DLG2: variants seen among roughly 807,000 people sequenced by gnomAD.
DLG2 encodes the protein discs large MAGUK scaffold protein 2.
A neutral mutation model predicts 132.5 loss-of-function variants in DLG2; 45 were observed. The ratio of observed to expected loss-of-function variants is 0.34; its 90% CI spans 0.27 to 0.44. DLG2 has a LOEUF of 0.44. Among genes scored for constraint, DLG2 ranks in the 20% least tolerant of loss-of-function variants. DLG2 has a pLI of 1.00. For missense variants in DLG2, 1,045 were observed against 1,196.9 expected (o/e 0.87, Z 1.87); for synonymous variants, 424 against 419.6 (o/e 1.01, Z -0.13).
intron 3 of DLG2, among the ~76,000 whole-genome samples, chr11:85,414,134 C>T (rs2089599834): frequency 6.6e-6 from 1 of 151,846 alleles, no homozygotes; most frequent in African/African-American, 2.4e-5. Context: ...TGGTATATTC[C>T]TAAATATTTC....
chr11:83,749,952 C>T (rs1012732458), intron 18 of DLG2, among the ~76,000 whole-genome samples: 1 of 152,134 alleles, frequency 6.6e-6, no homozygotes, highest in Non-Finnish European at 1.5e-5. Flanking sequence ...TAATTACAGC[C>T]ACCTGTGCCA....
chr11:84,623,790 A>G (rs930306575), intron 6 of DLG2, among the ~76,000 whole-genome samples: 2 of 152,180 alleles, frequency 1.3e-5, no homozygotes, highest in Non-Finnish European at 2.9e-5. Flanking sequence ...CTTCTTCCCT[A>G]CCACCATAGT....
chr11:83,984,298 T>C (rs2093066833), intron 11 of DLG2, among the ~76,000 whole-genome samples: 1 of 151,764 alleles, frequency 6.6e-6, no homozygotes, highest in Non-Finnish European at 1.5e-5. Context: ...CTAGTGACTC[T>C]ATTCAAGGTG....
At chr11:83,995,307 C>G (rs933225535) in intron 11 of DLG2, among the ~76,000 whole-genome samples, 6 of 152,004 alleles carry the variant, frequency 3.9e-5, no homozygotes, top group African/African-American at 1.5e-4. Flanking sequence ...TCTGAACTTC[C>G]AGGAGATAAT....
At chr11:84,851,054 A>G (rs2082109557) in intron 6 of DLG2, among the ~76,000 whole-genome samples, 1 of 152,114 alleles carries the variant, frequency 6.6e-6, no homozygotes, top group Admixed American at 6.6e-5. Context: ...ATTAATAGGA[A>G]TAAGTGAATG....
intron 7 of DLG2, among the ~76,000 whole-genome samples, chr11:84,444,088 A>G (rs1473897270): frequency 6.6e-6 from 1 of 151,692 alleles, no homozygotes; most frequent in African/African-American, 2.4e-5. Flanking sequence ...GAAAGCCTTT[A>G]TCATCAGCCA....
At position 83,466,638 on chromosome 11, in the gene DLG2, G is replaced by C. The variant is rs922403290; in HGVS notation, c.2729+70C>G. 7.8e-6 allele frequency: 6 copies of C among 764,870 alleles called. No individual in the cohort carries two copies. The African/African-American group carries it at 1.0e-4, about 13-fold the overall frequency. The allele number at this position is 764,870 out of a possible 1,614,324, so 47.4% of individuals were successfully genotyped here. ...TTGTAAGCATTCCCAGCAAAATCCT[G>C]TTAGTAATTTTCAGTATAATACAGA... is the stretch of plus-strand genomic sequence containing the variant. On this transcript the variant is annotated intron_variant, in intron 26 of 27. Transcript: ENST00000376104.
chr11:84,743,386 A>T (rs915188568), intron 6 of DLG2, among the ~76,000 whole-genome samples: 1 of 152,062 alleles, frequency 6.6e-6, no homozygotes, highest in Non-Finnish European at 1.5e-5. Flanking sequence ...ATCTTTAGTA[A>T]GAATTTTTTT....
intron 14 of DLG2, among the ~76,000 whole-genome samples, chr11:83,936,248 G>A (rs1471165131): frequency 6.6e-6 from 1 of 152,196 alleles, no homozygotes; most frequent in African/African-American, 2.4e-5. Context: ...GTACTGCACA[G>A]GTGCCTTCTA....
At chr11:83,588,071 T>C (rs1251698259) in intron 19 of DLG2, among the ~76,000 whole-genome samples, 2 of 152,200 alleles carry the variant, frequency 1.3e-5, no homozygotes, top group Non-Finnish European at 2.9e-5. Context: ...GCGCCCGCCA[T>C]TGCCCAGGCT....
chr11:83,842,636 G>T (rs1253888912), intron 16 of DLG2, among the ~76,000 whole-genome samples: 1 of 151,196 alleles, frequency 6.6e-6, no homozygotes, highest in African/African-American at 2.4e-5. Context: ...AGACCACGGT[G>T]AAAACCCGTC....
At chr11:85,596,205 T>C (rs1311671628) in intron 3 of DLG2, among the ~76,000 whole-genome samples, 1 of 152,044 alleles carries the variant, frequency 6.6e-6, no homozygotes, top group Non-Finnish European at 1.5e-5. Flanking sequence ...TTGGTCAACA[T>C]GGTGAAATCC....
chr11:84,679,572 T>C (rs77528734), intron 6 of DLG2, among the ~76,000 whole-genome samples: 2,375 of 152,190 alleles, frequency 0.016, 64 homozygotes, highest in African/African-American at 0.053. Flanking sequence ...TCAAGAGTTA[T>C]GATCAGGGAT....
chr11:83,486,005 AC>A, intron 21 of DLG2: 1 of 394,668 alleles, frequency 2.5e-6, no homozygotes, highest in Non-Finnish European at 4.5e-6. Context: ...ACATTCAAGT[AC>A]TAAAATTACA....
At chr11:85,606,267 T>C (rs980997354) in intron 2 of DLG2, among the ~76,000 whole-genome samples, 3 of 152,192 alleles carry the variant, frequency 2.0e-5, no homozygotes, top group East Asian at 1.9e-4. Flanking sequence ...TTATTAGACA[T>C]TAGGACTAGA....
intron 7 of DLG2, chr11:84,272,061 A>G (rs1187815931): frequency 6.2e-6 from 1 of 161,374 alleles, no homozygotes; most frequent in Non-Finnish European, 1.4e-5. Context: ...AATGATTTAG[A>G]GAGTTTCCCA....
intron 7 of DLG2, among the ~76,000 whole-genome samples, chr11:84,377,595 TAAAAA>T (rs2098734320): frequency 6.6e-6 from 1 of 151,816 alleles, no homozygotes. Context: ...AATAAAAACA[TAAAAA>T]GAAAGAAGAA....
intron 4 of DLG2, among the ~76,000 whole-genome samples, chr11:85,281,571 T>A (rs542139136): frequency 6.6e-6 from 1 of 152,056 alleles, no homozygotes; most frequent in Non-Finnish European, 1.5e-5. Flanking sequence ...CTCATTCATA[T>A]GCTCAAAACT....
At chr11:84,529,153 T>TA (rs1055043791) in intron 7 of DLG2, among the ~76,000 whole-genome samples, 14 of 152,130 alleles carry the variant, frequency 9.2e-5, no homozygotes, top group Admixed American at 3.3e-4. Context: ...TAAGACAATC[T>TA]AAAAGCATAT....
Sources: gnomAD v4.1 joint callset for allele counts (sites outside exome capture counted in the v4.1 genomes callset) on GRCh38, gnomAD v4.1.1 for gene constraint, MANE v1.5 for transcripts, NCBI Gene and HGNC (gene_info 2026-07-23, HGNC 2026-07-21) for gene names.